SSBP3: variants seen among roughly 807,000 people sequenced by gnomAD.
The protein encoded by SSBP3 is single-stranded DNA-binding protein 3.
SSBP3 carries 5 observed loss-of-function variants against 69.6 expected under a neutral mutation model. That is an observed-to-expected ratio of 0.07 (90% CI 0.04 to 0.15). SSBP3 has a LOEUF of 0.15. SSBP3 is among the 10% of genes least tolerant of loss of function. The probability of loss-of-function intolerance (pLI) is 1.00; values close to 1 mark genes in which losing one functional copy is unlikely to be tolerated. For synonymous variants in SSBP3, 196 were observed against 193.4 expected (o/e 1.01, Z -0.11); for missense variants, 312 against 534.0 (o/e 0.58, Z 4.10).
At chr1:54,408,147 A>G (rs371843154), upstream of SSBP3, among the ~76,000 whole-genome samples, 1 of 152,138 alleles carries the variant, frequency 6.6e-6, no homozygotes, top group South Asian at 2.1e-4. Flanking sequence ...CCCAGCGCTC[A>G]CAGGGGAAAG....
intron 4 of SSBP3, among the ~76,000 whole-genome samples, chr1:54,294,133 A>C (rs1645655964): frequency 1.8e-5 from 2 of 110,854 alleles, no homozygotes; most frequent in African/African-American, 3.6e-5. Context: ...ACAGAGTGAG[A>C]CTCCATCTCA....
At chr1:54,407,524 A>G (rs988193823), upstream of SSBP3, among the ~76,000 whole-genome samples, 1 of 151,994 alleles carries the variant, frequency 6.6e-6, no homozygotes, top group Non-Finnish European at 1.5e-5. Context: ...CAGAAGACAC[A>G]CTGCGTGCCC....
rs577877838 is a variant in SSBP3 at position 54,350,738 on chromosome 1, G to T, written c.276+51123C>A. Among the ~76,000 whole-genome samples the T allele has an allele frequency of 1.7e-3, 265 of 152,106 alleles. 1 individual carries two copies. The highest frequency in any genetic ancestry group is 2.3e-3 in the Non-Finnish European group (159 of 68,020). On this transcript the variant is annotated intron_variant, in intron 4 of 17. Transcript: ENST00000610401. ...GCCCTGGGGGCAGCAGCAGCCCAGG[G>T]ACAGGCAGGAGAACCCACACCATGA...
Position 54,258,564 on chromosome 1 carries a change from G to A in SSBP3, c.367-415C>T, listed in dbSNP as rs1434849847. Among the ~76,000 whole-genome samples, 1 of 152,172 alleles carries A rather than the reference G, an allele frequency of 6.6e-6. No homozygotes were observed. Among genetic ancestry groups the A allele is most frequent in the African/African-American group, 2.4e-5 (1 of 41,430 alleles). On this transcript the variant is annotated intron_variant, in intron 5 of 17. Transcript: ENST00000610401. This position sits in a 1 kb window ranked among gnomAD's most constrained non-coding sequence, Gnocchi z 4.5. ...CGTAGGTGCCGCTTGCACGGGAGGT[G>A]GGGAAAGATCGGGAAGGGCCCTGCC...
chr1:54,311,673 A>G (rs557703960), intron 4 of SSBP3, among the ~76,000 whole-genome samples: 2 of 152,290 alleles, frequency 1.3e-5, no homozygotes, highest in East Asian at 3.9e-4. Context: ...TCAGGAGGGC[A>G]GCCTGACCAC....
chr1:54,303,313 A>G (rs1645837329), intron 4 of SSBP3, among the ~76,000 whole-genome samples: 1 of 151,466 alleles, frequency 6.6e-6, no homozygotes, highest in East Asian at 1.9e-4. Flanking sequence ...ATCCCTTTTG[A>G]CACTTCTGAT....
intron 4 of SSBP3, among the ~76,000 whole-genome samples, chr1:54,334,793 T>G (rs925923792): frequency 2.0e-5 from 3 of 152,226 alleles, no homozygotes; most frequent in Admixed American, 1.3e-4. Context: ...GGCCAACTGC[T>G]GCCACACAGA....
At chr1:54,328,605 GT>G (rs1340266088) in intron 4 of SSBP3, among the ~76,000 whole-genome samples, 2 of 152,190 alleles carry the variant, frequency 1.3e-5, no homozygotes, top group Admixed American at 1.3e-4. Flanking sequence ...GCCTAACAGT[GT>G]TTTGACATCT....
intron 4 of SSBP3, among the ~76,000 whole-genome samples, chr1:54,287,947 A>C (rs1052138516): frequency 6.6e-6 from 1 of 152,136 alleles, no homozygotes; most frequent in African/African-American, 2.4e-5. Context: ...GGTTTGGATG[A>C]CACACAGGAG....
In SSBP3 at chr1:54,244,063, G is replaced by A. The variant is rs552076370; in HGVS notation, c.652-764C>T. Among the ~76,000 whole-genome samples the A allele has an allele frequency of 1.4e-4, 21 of 151,910 alleles. No homozygotes were observed. In the East Asian group the frequency reaches 3.5e-3, roughly 25 times the overall value. ...TCCCACCTGAGCCTCTCATGTAGTT[G>A]GGACTACAGTCATGCACCACCATGC... On this transcript the variant is annotated intron_variant, in intron 9 of 17. Transcript: ENST00000610401.
At chr1:54,251,714 T>A in intron 8 of SSBP3, 22 bp from the exon 9 acceptor site, 1 of 1,576,038 alleles carries the variant, frequency 6.3e-7, no homozygotes, top group African/African-American at 1.3e-5. Flanking sequence ...AGGAGGCGCG[T>A]CATGGGATGG....
intron 4 of SSBP3, among the ~76,000 whole-genome samples, chr1:54,383,260 C>A (rs1183317758): frequency 6.6e-6 from 1 of 151,952 alleles, no homozygotes; most frequent in East Asian, 1.9e-4. Flanking sequence ...AGCCTGTAGT[C>A]CCAGCTACTC....
chr1:54,264,283 C>T (rs1446542995), intron 5 of SSBP3, among the ~76,000 whole-genome samples: 6 of 152,082 alleles, frequency 3.9e-5, no homozygotes, highest in Admixed American at 1.3e-4. Flanking sequence ...GCCTGGGTGA[C>T]GGTGAGACCT....
intron 4 of SSBP3, among the ~76,000 whole-genome samples, chr1:54,346,545 TG>T (rs779212604): frequency 6.6e-6 from 1 of 152,080 alleles, no homozygotes. Context: ...CTAGGCGCGG[TG>T]GCTCACACCT....
At chr1:54,271,696 A>G (rs2100821468) in intron 5 of SSBP3, among the ~76,000 whole-genome samples, 1 of 152,196 alleles carries the variant, frequency 6.6e-6, no homozygotes, top group Admixed American at 6.5e-5. Flanking sequence ...CCTCTACCCC[A>G]CCATGTCCCC....
At chr1:54,301,384 C>T (rs894823602) in intron 4 of SSBP3, among the ~76,000 whole-genome samples, 2 of 152,186 alleles carry the variant, frequency 1.3e-5, no homozygotes, top group African/African-American at 4.8e-5. Flanking sequence ...CCAGGTGGTG[C>T]TCACTCATCC....
intron 5 of SSBP3, among the ~76,000 whole-genome samples, chr1:54,276,285 G>A (rs990892898): frequency 2.6e-5 from 4 of 152,038 alleles, no homozygotes; most frequent in Non-Finnish European, 5.9e-5. Flanking sequence ...CCTCTGCTGG[G>A]TCTCTGTCAC....
At chr1:54,334,281 G>A (rs1411323086) in intron 4 of SSBP3, among the ~76,000 whole-genome samples, 1 of 152,044 alleles carries the variant, frequency 6.6e-6, no homozygotes, top group Non-Finnish European at 1.5e-5. Context: ...GAACCCGGGA[G>A]GCGGAGGTTG....
intron 5 of SSBP3, among the ~76,000 whole-genome samples, chr1:54,265,477 C>T (rs1645085497): frequency 1.3e-5 from 2 of 152,178 alleles, no homozygotes; most frequent in African/African-American, 4.8e-5. Context: ...CTGAGCTGGG[C>T]CACACAGCAG....
Sources: gnomAD v4.1 joint callset for allele counts (sites outside exome capture counted in the v4.1 genomes callset) on GRCh38, gnomAD v4.1.1 for gene constraint, Gnocchi (gnomAD v3.1) non-coding constraint, MANE v1.5 for transcripts, NCBI Gene and HGNC (gene_info 2026-07-23, HGNC 2026-07-21) for gene names.